FER1L6: variants seen among roughly 807,000 people sequenced by gnomAD.
The protein encoded by FER1L6 is fer-1-like protein 6.
In FER1L6, 177 loss-of-function variants were observed where a neutral mutation model predicts 219.2. That is an observed-to-expected ratio of 0.81 (90% CI 0.71 to 0.91). The LOEUF (loss-of-function observed/expected upper bound fraction) is 0.91, where lower values mean the gene tolerates loss of function less well. Ranked by LOEUF, FER1L6 falls within the 40% of genes least tolerant of loss-of-function variation. The probability of loss-of-function intolerance (pLI) is 0.00; values close to 1 mark genes in which losing one functional copy is unlikely to be tolerated. For synonymous variants in FER1L6, 768 were observed against 824.3 expected, an observed-to-expected ratio of 0.93 and a Z score of 1.17; for missense variants, 2,153 against 2,259.9, an observed-to-expected ratio of 0.95 and a Z score of 0.96.
At chr8:123,857,007 T>C (rs538915873) in intron 1 of FER1L6, among the ~76,000 whole-genome samples, 4 of 152,174 alleles carry the variant, frequency 2.6e-5, no homozygotes, top group African/African-American at 9.6e-5. Context: ...GGTATCCTCA[T>C]TGACACAGTG....
chr8:123,912,774 T>G (rs1049046336), intron 1 of FER1L6, among the ~76,000 whole-genome samples: 3 of 152,058 alleles, frequency 2.0e-5, no homozygotes, highest in Non-Finnish European at 4.4e-5. Flanking sequence ...AGGTTAAAAA[T>G]AAAAGAAAAT....
intron 23 of FER1L6, 29 bp downstream of exon 23, chr8:124,060,319 T>C: frequency 6.2e-7 from 1 of 1,604,192 alleles, no homozygotes; most frequent in Non-Finnish European, 8.5e-7. Context: ...GCTGAGTTGT[T>C]CTTTGGCACT....
At chr8:123,877,630 T>A (rs1409009098) in intron 1 of FER1L6, among the ~76,000 whole-genome samples, 1 of 152,170 alleles carries the variant, frequency 6.6e-6, no homozygotes, top group African/African-American at 2.4e-5. Flanking sequence ...TAGCCTCATC[T>A]TGCTTGAATC....
chr8:123,979,605 C>T (rs1222954390), intron 10 of FER1L6, among the ~76,000 whole-genome samples: 2 of 152,176 alleles, frequency 1.3e-5, no homozygotes, highest in Admixed American at 1.3e-4. Context: ...AGTGAAAATA[C>T]TTACATCAGC....
At chr8:124,037,505 C>T (rs1177699420) in intron 19 of FER1L6, among the ~76,000 whole-genome samples, 1 of 152,194 alleles carries the variant, frequency 6.6e-6, no homozygotes, top group Non-Finnish European at 1.5e-5. Flanking sequence ...TGGGGACAGA[C>T]TTAGAATTGA....
intron 29 of FER1L6, among the ~76,000 whole-genome samples, chr8:124,070,231 T>A (rs959108847): frequency 6.6e-6 from 1 of 152,226 alleles, no homozygotes; most frequent in African/African-American, 2.4e-5. Context: ...TACAATTTTT[T>A]AAATTTACCT....
Position 124,070,594 on chromosome 8 carries a change from T to A in FER1L6, c.3962T>A (p.Phe1321Tyr). ...GATGGAGACCGAGTCATAGGAAAATTTAAGGCAGGTTCCATTTTTAATCCT... is the reference window on the plus strand; with the variant it reads ...GATGGAGACCGAGTCATAGGAAAATATAAGGCAGGTTCCATTTTTAATCCT... ...GLDGDRVIGK[F>Y]KGSFCIYKSP... Residue 1321 changes from phenylalanine to tyrosine, a missense_variant, in exon 30 of 41, where the codon TTT (phenylalanine) becomes TAT (tyrosine). By Grantham distance (22) the Phe-to-Tyr change is conservative. Transcript: ENST00000522917. The A allele has an allele frequency of 6.3e-7, 1 of 1,580,136 alleles. No individual in the cohort carries two copies.
chr8:123,924,576 G>T (rs1474915063), intron 1 of FER1L6, among the ~76,000 whole-genome samples: 1 of 151,994 alleles, frequency 6.6e-6, no homozygotes, highest in Non-Finnish European at 1.5e-5. Context: ...TGAAAATAGT[G>T]AATTGGAATA....
chr8:124,082,084 G>A (rs187761093), intron 32 of FER1L6, among the ~76,000 whole-genome samples: 1 of 152,214 alleles, frequency 6.6e-6, no homozygotes, highest in East Asian at 1.9e-4. Context: ...GAGATTATTG[G>A]CTATTTGAAA....
chr8:124,002,762 G>C (rs1481804522), intron 12 of FER1L6, among the ~76,000 whole-genome samples: 2 of 139,692 alleles, frequency 1.4e-5, no homozygotes, highest in Non-Finnish European at 3.0e-5. Flanking sequence ...GGTTTGGAAA[G>C]GTGTTCATGA....
intron 1 of FER1L6, among the ~76,000 whole-genome samples, chr8:123,877,441 G>A (rs949736369): frequency 2.0e-5 from 3 of 152,200 alleles, no homozygotes; most frequent in African/African-American, 7.2e-5. Flanking sequence ...TCTGGGCCCA[G>A]GTTGGGCAAG....
chr8:123,927,425 G>C (rs151165013), intron 1 of FER1L6, among the ~76,000 whole-genome samples: 212 of 152,288 alleles, frequency 1.4e-3, no homozygotes, highest in African/African-American at 4.7e-3. Flanking sequence ...AATCTGTGCT[G>C]ACCCTTTGGG....
chr8:124,015,159 T>C (rs567638641), intron 15 of FER1L6, among the ~76,000 whole-genome samples: 1 of 151,814 alleles, frequency 6.6e-6, no homozygotes, highest in South Asian at 2.1e-4. Flanking sequence ...GAAGTCAGAG[T>C]CTCCCATGCC....
intron 1 of FER1L6, among the ~76,000 whole-genome samples, chr8:123,928,098 T>C (rs1310842086): frequency 1.3e-5 from 2 of 152,242 alleles, no homozygotes; most frequent in African/African-American, 4.8e-5. Flanking sequence ...AATCTTCTCA[T>C]ATTTTCCTTA....
At chr8:124,080,206 T>C (rs17292246) in intron 32 of FER1L6, among the ~76,000 whole-genome samples, 2,432 of 152,260 alleles carry the variant, frequency 0.016, 21 homozygotes, top group Non-Finnish European at 0.024. Context: ...CATGATGCAT[T>C]CTGTTTTCCC....
chr8:124,010,036 G>A (rs948832353), intron 13 of FER1L6, among the ~76,000 whole-genome samples: 7 of 151,950 alleles, frequency 4.6e-5, no homozygotes, highest in Admixed American at 2.0e-4. Flanking sequence ...TTTGAGGGTC[G>A]TGGAACTGCA....
chr8:123,976,964 T>G (rs1816102356), intron 9 of FER1L6, among the ~76,000 whole-genome samples: 1 of 152,252 alleles, frequency 6.6e-6, no homozygotes, highest in Non-Finnish European at 1.5e-5. Context: ...CTACCCTGAT[T>G]GTGTCCCCTT....
intron 13 of FER1L6, among the ~76,000 whole-genome samples, chr8:124,009,714 C>G (rs1259499114): frequency 1.3e-5 from 2 of 152,022 alleles, no homozygotes; most frequent in Admixed American, 6.6e-5. Context: ...CAGGAAGGAG[C>G]TGGTGCTGCT....
At position 124,109,362 on chromosome 8, in the gene FER1L6, T is replaced by C. The variant is rs183488580; in HGVS notation, c.5289+6053T>C. ...TGGCACCATCTTATCAGTTCTTTAC[T>C]GTACACGTGGCTGACAGAAGGGAAG... On this transcript the variant is annotated intron_variant, in intron 39 of 40. Transcript: ENST00000522917. Among the ~76,000 whole-genome samples, 10 of 152,316 alleles carry C rather than the reference T, an allele frequency of 6.6e-5. No homozygotes were observed. The East Asian group carries it at 1.9e-3, about 29-fold the overall frequency.
Sources: gnomAD v4.1 joint callset for allele counts (sites outside exome capture counted in the v4.1 genomes callset) on GRCh38, gnomAD v4.1.1 for gene constraint, MANE v1.5 for transcripts, NCBI Gene and HGNC (gene_info 2026-07-23, HGNC 2026-07-21) for gene names.